Variants in ALKBH8 observed in about 807,000 individuals in gnomAD.
The protein encoded by ALKBH8 is tRNA (carboxymethyluridine(34)-5-O)-methyltransferase ALKBH8.
ALKBH8 carries 36 observed loss-of-function variants against 59.8 expected under a neutral mutation model. That is an observed-to-expected ratio of 0.60 (90% confidence interval 0.46 to 0.79). The LOEUF is 0.79. Ranked by LOEUF, ALKBH8 falls within the 30% of genes least tolerant of loss-of-function variation. The pLI, the probability that ALKBH8 is intolerant of heterozygous loss-of-function variation, is 0.00. For synonymous variants in ALKBH8, 276 were observed against 273.6 expected (o/e 1.01, Z -0.09); for missense variants, 768 against 801.0 (o/e 0.96, Z 0.50).
At position 107,560,998 on chromosome 11, in the gene ALKBH8, T is replaced by C. The variant is rs542304230; in HGVS notation, c.-6-99A>G. 88 of 1,147,288 alleles carry C rather than the reference T, an allele frequency of 7.7e-5. 1 individual carries two copies. The South Asian group carries it at 1.7e-3, about 22-fold the overall frequency. 71.1% of individuals were successfully genotyped at this position (1,147,288 alleles called of 1,614,324 possible). A position where few individuals can be genotyped will look rare whatever the true frequency, so the allele number is the denominator to read the frequency against. ...ACATTCTATAGTTTATCAATATTTC[T>C]GTGACAATTTTTTAAAAATGCTTCA... On this transcript the variant is annotated intron_variant, in intron 1 of 11. Coordinates refer to ENST00000428149, the MANE Select transcript of ALKBH8 (RefSeq NM_138775.3).
chr11:107,551,150 A>G (rs1468067446), intron 6 of ALKBH8, among the ~76,000 whole-genome samples: 1 of 152,190 alleles, frequency 6.6e-6, no homozygotes, highest in African/African-American at 2.4e-5. Context: ...GCCTTCTTCT[A>G]TCTATAAATT....
At chr11:107,534,589 T>C (rs1251143569) in intron 7 of ALKBH8, among the ~76,000 whole-genome samples, 2 of 152,160 alleles carry the variant, frequency 1.3e-5, no homozygotes, top group Non-Finnish European at 2.9e-5. Flanking sequence ...ATAGGAAAAT[T>C]TCAGCTTAAA....
rs78396710 is a variant in ALKBH8 at position 107,556,896 on chromosome 11, G to C, written c.237C>G (p.Asn79Lys). 2,367 of 1,603,488 alleles carry C rather than the reference G, an allele frequency of 1.5e-3. 23 individuals are homozygous for C. The African/African-American group carries it at 0.021, about 15-fold the overall frequency. The change falls in exon 3 of 12, where the codon AAC becomes AAG. Residue 79 changes from asparagine (N) to lysine (K), a missense_variant. Physicochemically the swap from Asn to Lys is moderately conservative, Grantham distance 94. Coordinates refer to ENST00000428149, the MANE Select transcript of ALKBH8 (RefSeq NM_138775.3). ...GLVDALLMPP[N>K]KPYSFARYRT... Reference sequence around the variant, plus strand: ...TGTATCTTGCAAATGAGTACGGCTTGTTAGGTGGCATTAAGAGAGCATCCA... The same window carrying C: ...TGTATCTTGCAAATGAGTACGGCTTCTTAGGTGGCATTAAGAGAGCATCCA...
intron 2 of ALKBH8, 62 bp from the exon 3 acceptor site, chr11:107,557,065 G>A: frequency 8.7e-7 from 1 of 1,144,644 alleles, no homozygotes; most frequent in East Asian, 2.8e-5. Context: ...CAACCCATTT[G>A]TTTTAAAATA....
intron 7 of ALKBH8, among the ~76,000 whole-genome samples, chr11:107,542,181 T>C (rs187298363): frequency 2.6e-5 from 4 of 152,124 alleles, no homozygotes; most frequent in East Asian, 1.9e-4. Flanking sequence ...TTTTCCAAAA[T>C]TGATGGAAAA....
At chr11:107,525,650 C>A in intron 8 of ALKBH8, 58 bp from the exon 9 acceptor site, 1 of 1,210,840 alleles carries the variant, frequency 8.3e-7, no homozygotes, top group South Asian at 2.6e-5. Flanking sequence ...ATATTTCAGG[C>A]CTTTAAAAAT....
chr11:107,544,815 CCACACA>C (rs5794557), intron 7 of ALKBH8, among the ~76,000 whole-genome samples: 18,929 of 138,274 alleles, frequency 0.14, 1,413 homozygotes, highest in Non-Finnish European at 0.15. Context: ...TAGATACAAA[CCACACA>C]CACACACACA....
intron 7 of ALKBH8, among the ~76,000 whole-genome samples, chr11:107,542,730 C>A (rs970293268): frequency 7.9e-5 from 12 of 152,194 alleles, no homozygotes; most frequent in Middle Eastern, 3.4e-3. Context: ...GGCAACAGGG[C>A]AAAACCCCGT....
intron 6 of ALKBH8, among the ~76,000 whole-genome samples, chr11:107,551,567 G>A (rs1045376571): frequency 1.9e-4 from 29 of 151,634 alleles, no homozygotes; most frequent in African/African-American, 4.8e-4. Context: ...GATGGTGTGC[G>A]CCTGTAATCC....
At chr11:107,563,822 G>C (rs1046143076) in intron 1 of ALKBH8, 1 of 152,194 alleles carries the variant, frequency 6.6e-6, no homozygotes, top group African/African-American at 2.4e-5. Context: ...AGCAGGTGGA[G>C]CCTCATAACC....
intron 11 of ALKBH8, among the ~76,000 whole-genome samples, chr11:107,510,459 C>A (rs949564478): frequency 1.3e-5 from 2 of 151,760 alleles, no homozygotes; most frequent in African/African-American, 4.8e-5. Flanking sequence ...ACTCACATGT[C>A]AGGGATAAAA....
chr11:107,503,655 G>T lies in ALKBH8; in HGVS notation c.*1003C>A, dbSNP rs1862263240. ...AAATAACCCGATTGAACCTGGATTGGGACAAACTATGAATCAACTAGAAAT... is the reference window on the plus strand; with the variant it reads ...AAATAACCCGATTGAACCTGGATTGTGACAAACTATGAATCAACTAGAAAT... On this transcript the variant is annotated 3_prime_UTR_variant, in exon 12 of 12. Coordinates refer to ENST00000428149, the MANE Select transcript of ALKBH8 (RefSeq NM_138775.3). 6.6e-6 allele frequency: 1 copy of T among 151,968 alleles called. No homozygotes were observed. The highest frequency in any genetic ancestry group is 1.5e-5 in the Non-Finnish European group (1 of 68,000). The allele number at this position is 151,968 out of a possible 1,614,324, so 9.4% of individuals were successfully genotyped here. A position where few individuals can be genotyped will look rare whatever the true frequency, so the allele number is the denominator to read the frequency against.
intron 8 of ALKBH8, among the ~76,000 whole-genome samples, chr11:107,528,815 A>T (rs966371240): frequency 2.0e-5 from 3 of 152,224 alleles, no homozygotes; most frequent in African/African-American, 7.2e-5. Context: ...ATATTCAATA[A>T]GAATATAAAA....
intron 8 of ALKBH8, among the ~76,000 whole-genome samples, chr11:107,528,435 A>G (rs115765249): frequency 0.022 from 3,386 of 152,206 alleles, 140 homozygotes; most frequent in African/African-American, 0.077. Flanking sequence ...CTTAAAGGCA[A>G]TTTTGTAGAG....
chr11:107,533,996 G>T (rs1274019939), intron 7 of ALKBH8, among the ~76,000 whole-genome samples: 1 of 152,054 alleles, frequency 6.6e-6, no homozygotes, highest in South Asian at 2.1e-4. Context: ...CGGGCATAGT[G>T]GTGGGCACCT....
intron 10 of ALKBH8, among the ~76,000 whole-genome samples, chr11:107,520,722 T>C (rs528675171): frequency 6.6e-6 from 1 of 152,312 alleles, no homozygotes; most frequent in South Asian, 2.1e-4. Context: ...AATTTAATTG[T>C]AAACATGGTA....
intron 1 of ALKBH8, among the ~76,000 whole-genome samples, chr11:107,561,419 C>T (rs1244893622): frequency 1.3e-5 from 2 of 151,422 alleles, no homozygotes; most frequent in Non-Finnish European, 2.9e-5. Flanking sequence ...ACACAAAATT[C>T]AGGAGAGAGG....
intron 7 of ALKBH8, among the ~76,000 whole-genome samples, chr11:107,535,109 T>C (rs1565332255): frequency 6.6e-6 from 1 of 152,238 alleles, no homozygotes; most frequent in Non-Finnish European, 1.5e-5. Context: ...GGCTGAGTAG[T>C]ATTCCATTGT....
chr11:107,548,537 G>C (rs1864360001), intron 7 of ALKBH8, among the ~76,000 whole-genome samples: 1 of 152,174 alleles, frequency 6.6e-6, no homozygotes, highest in South Asian at 2.1e-4. Context: ...AGAGAGAAGA[G>C]TGTTTTTTCC....
Sources: allele counts gnomAD v4.1 joint callset (sites outside exome capture counted in the v4.1 genomes callset), GRCh38; gene constraint gnomAD v4.1.1; transcripts MANE v1.5; gene names NCBI Gene and HGNC (gene_info 2026-07-23, HGNC 2026-07-21).